KCNIP4: variants seen among roughly 807,000 people sequenced by gnomAD.
KCNIP4 encodes potassium voltage-gated channel interacting protein 4.
Under a neutral mutation model 34.0 loss-of-function variants are expected in KCNIP4, and 12 were observed. The ratio of observed to expected loss-of-function variants is 0.35; its 90% CI spans 0.23 to 0.57. The LOEUF is 0.57. KCNIP4 is among the 20% of genes least tolerant of loss of function. The probability of loss-of-function intolerance (pLI) is 0.83; values close to 1 mark genes in which losing one functional copy is unlikely to be tolerated. For synonymous variants in KCNIP4, 124 were observed against 102.2 expected, an observed-to-expected ratio of 1.21 and a Z score of -1.29; for missense variants, 238 against 311.7, an observed-to-expected ratio of 0.76 and a Z score of 1.78.
intron 1 of KCNIP4, among the ~76,000 whole-genome samples, chr4:21,774,635 C>T (rs1284854448): frequency 7.9e-5 from 12 of 152,266 alleles, no homozygotes; most frequent in Admixed American, 6.5e-4. Context: ...TTGTTCCTTC[C>T]TTTTCATTCT....
chr4:20,979,564 A>AT (rs1172307267), intron 1 of KCNIP4, among the ~76,000 whole-genome samples: 19 of 151,762 alleles, frequency 1.3e-4, no homozygotes, highest in Admixed American at 7.9e-4. Context: ...TCGCCCAGCT[A>AT]TTTTTTTGTA....
At chr4:21,663,064 C>T (rs1261956808) in intron 1 of KCNIP4, among the ~76,000 whole-genome samples, 1 of 152,034 alleles carries the variant, frequency 6.6e-6, no homozygotes, top group Non-Finnish European at 1.5e-5. Context: ...AAGGTTAAGA[C>T]CTTAGAGGCC....
chr4:20,803,349 C>T (rs1714600711), intron 3 of KCNIP4, among the ~76,000 whole-genome samples: 1 of 151,216 alleles, frequency 6.6e-6, no homozygotes, highest in African/African-American at 2.4e-5. Flanking sequence ...GTGGCTCACA[C>T]CTATTATTGC....
At chr4:20,979,402 T>TC (rs1288621083) in intron 1 of KCNIP4, among the ~76,000 whole-genome samples, 37 of 148,380 alleles carry the variant, frequency 2.5e-4, no homozygotes, top group East Asian at 1.6e-3. Flanking sequence ...TTTCTTTCTT[T>TC]TTTTTTTTTT....
chr4:21,057,595 A>G (rs1237634890), intron 1 of KCNIP4, among the ~76,000 whole-genome samples: 1 of 152,202 alleles, frequency 6.6e-6, no homozygotes, highest in African/African-American at 2.4e-5. Flanking sequence ...GTCGAACAAT[A>G]GTGTCTCCAT....
At chr4:20,941,492 G>A (rs757980315) in intron 1 of KCNIP4, among the ~76,000 whole-genome samples, 1 of 152,092 alleles carries the variant, frequency 6.6e-6, no homozygotes, top group African/African-American at 2.4e-5. Context: ...CCAAAGGAAC[G>A]GAGAAAGAAG....
intron 1 of KCNIP4, among the ~76,000 whole-genome samples, chr4:21,343,432 A>G (rs1716958533): frequency 1.3e-5 from 2 of 152,150 alleles, no homozygotes; most frequent in Admixed American, 6.6e-5. Flanking sequence ...TACCTTTGAC[A>G]GGGAAAGCAT....
chr4:21,809,843 A>G (rs919721564), intron 1 of KCNIP4, among the ~76,000 whole-genome samples: 3 of 152,214 alleles, frequency 2.0e-5, no homozygotes, highest in African/African-American at 7.2e-5. Context: ...TCAGACTTAT[A>G]TTAGCCTTTT....
chr4:21,089,469 G>A (rs939963060), intron 1 of KCNIP4, among the ~76,000 whole-genome samples: 17 of 152,138 alleles, frequency 1.1e-4, no homozygotes, highest in African/African-American at 3.6e-4. Flanking sequence ...GTTCTTTACA[G>A]CAATGTGAGA....
intron 6 of KCNIP4, 92 bp downstream of exon 6, chr4:20,734,536 A>C (rs1276658080): frequency 3.2e-6 from 2 of 632,242 alleles, no homozygotes. Context: ...TTCCTCAAAA[A>C]AACTTTTCAA....
chr4:21,015,774 T>C (rs931503331), intron 1 of KCNIP4, among the ~76,000 whole-genome samples: 52 of 136,438 alleles, frequency 3.8e-4, no homozygotes, highest in African/African-American at 1.3e-3. Flanking sequence ...ACAATATACA[T>C]TTATAAATAT....
chr4:21,401,062 G>A (rs1723518079), intron 1 of KCNIP4, among the ~76,000 whole-genome samples: 1 of 152,116 alleles, frequency 6.6e-6, no homozygotes. Context: ...TCGGGAGGCT[G>A]AGGCAGGAGA....
chr4:21,771,225 A>G (rs897492042), intron 1 of KCNIP4, among the ~76,000 whole-genome samples: 4 of 151,994 alleles, frequency 2.6e-5, no homozygotes, highest in Non-Finnish European at 5.9e-5. Context: ...TGTTTTTGTC[A>G]CGTTTGTTGA....
At chr4:21,759,214 A>G (rs1198850225) in intron 1 of KCNIP4, among the ~76,000 whole-genome samples, 1 of 152,192 alleles carries the variant, frequency 6.6e-6, no homozygotes, top group Non-Finnish European at 1.5e-5. Context: ...AGATTTTAAT[A>G]TATTGATTAA....
intron 1 of KCNIP4, among the ~76,000 whole-genome samples, chr4:21,944,414 G>C (rs139579574): frequency 6.6e-6 from 1 of 151,866 alleles, no homozygotes; most frequent in Middle Eastern, 3.4e-3. Flanking sequence ...AATTAGTCGG[G>C]CATGGTGGCG....
chr4:21,590,821 C>CA (rs985350723), intron 1 of KCNIP4, among the ~76,000 whole-genome samples: 3 of 151,976 alleles, frequency 2.0e-5, no homozygotes, highest in African/African-American at 7.2e-5. Flanking sequence ...TGCTTATAGA[C>CA]AAAACTGATC....
intron 1 of KCNIP4, among the ~76,000 whole-genome samples, chr4:21,302,862 T>G (rs959113915): frequency 6.6e-6 from 1 of 152,202 alleles, no homozygotes; most frequent in African/African-American, 2.4e-5. Flanking sequence ...GGATTAGTTG[T>G]GGATGTAAAT....
rs182632279 is a variant in KCNIP4, at chr4:21,359,348, A to T, written c.62-476639T>A. Among the ~76,000 whole-genome samples, 14 of 152,184 alleles carry T rather than the reference A, an allele frequency of 9.2e-5. No homozygotes were observed. The East Asian group carries it at 2.7e-3, about 29-fold the overall frequency. ...AGACTCTCTAGCTTGCAGATAGCAG[A>T]TTGTGGAACTTCTTAGCCTACATAA... On this transcript the variant is annotated intron_variant, in intron 1 of 8. Coordinates refer to ENST00000382152, the MANE Select transcript of KCNIP4 (RefSeq NM_025221.6).
At chr4:21,915,715 C>T (rs1222777919) in intron 1 of KCNIP4, among the ~76,000 whole-genome samples, 3 of 152,200 alleles carry the variant, frequency 2.0e-5, no homozygotes, top group Non-Finnish European at 2.9e-5. Flanking sequence ...GTGAAATGTG[C>T]TGGAGATTCA....
Sources: allele counts gnomAD v4.1 joint callset (sites outside exome capture counted in the v4.1 genomes callset), GRCh38; gene constraint gnomAD v4.1.1; transcripts MANE v1.5; gene names NCBI Gene and HGNC (gene_info 2026-07-23, HGNC 2026-07-21).